NUP160: variants seen among roughly 807,000 people sequenced by gnomAD.
NUP160 encodes nuclear pore complex protein Nup160.
In NUP160, 94 loss-of-function variants were observed where a neutral mutation model predicts 196.9. That is an observed-to-expected ratio of 0.48 (90% CI 0.40 to 0.57). NUP160 has a LOEUF of 0.57. Among genes scored for constraint, NUP160 ranks in the 20% least tolerant of loss-of-function variants. The pLI is 0.00. For synonymous variants in NUP160, 605 were observed against 619.7 expected (o/e 0.98, Z 0.35); for missense variants, 1,638 against 1,748.3 (o/e 0.94, Z 1.13).
chr11:47,843,646 T>G (rs1266377223), intron 2 of NUP160, among the ~76,000 whole-genome samples: 1 of 152,220 alleles, frequency 6.6e-6, no homozygotes, highest in Non-Finnish European at 1.5e-5. Context: ...GCGGTATAGA[T>G]GTGCTATTGC....
intron 28 of NUP160, 75 bp from the exon 29 acceptor site, chr11:47,792,065 C>A: frequency 1.0e-6 from 1 of 994,576 alleles, no homozygotes; most frequent in Non-Finnish European, 1.5e-6. Flanking sequence ...TGATTCATAG[C>A]TTTTATGCTT....
rs893297849 is a variant in NUP160 at position 47,821,526 on chromosome 11, C to T, written c.1277+198G>A. On this transcript the variant is annotated intron_variant, in intron 9 of 35. Transcript: ENST00000378460. The stretch of plus-strand genomic sequence containing the variant: ...TATAGGCACCTGCCACCAGGCCCAG[C>T]TAATTTTTTGTGTTTTTAGTAGAGA... 3 of 522,870 alleles carry T rather than the reference C, an allele frequency of 5.7e-6. No homozygotes were observed. The African/African-American group carries it at 5.8e-5, about 10-fold the overall frequency. 32.4% of individuals were successfully genotyped at this position (522,870 alleles called of 1,614,324 possible).
At chr11:47,816,649 G>A (rs1003936264) in intron 11 of NUP160, among the ~76,000 whole-genome samples, 4 of 152,036 alleles carry the variant, frequency 2.6e-5, no homozygotes, top group East Asian at 1.9e-4. Flanking sequence ...GGTGGCATGC[G>A]TCTGTAGTCC....
intron 27 of NUP160, among the ~76,000 whole-genome samples, chr11:47,795,954 C>G (rs1176515347): frequency 6.6e-6 from 1 of 151,892 alleles, no homozygotes; most frequent in Admixed American, 6.6e-5. Flanking sequence ...GAGTTCAAGA[C>G]CAGCCTGACC....
intron 9 of NUP160, chr11:47,820,067 C>G (rs1386170740): frequency 6.6e-6 from 1 of 152,446 alleles, no homozygotes; most frequent in African/African-American, 2.4e-5. Context: ...TCCCAGAATT[C>G]TACCTTAGGC....
At chr11:47,788,268 A>G in exon 31 of NUP160, 10 of 1,614,156 alleles carry the variant, frequency 6.2e-6, no homozygotes, top group Non-Finnish European at 8.5e-6. Flanking sequence ...GGCCCGCCTG[A>G]ACCAAGAGAG....
chr11:47,828,731 A>T lies in NUP160; in HGVS notation c.1102-6567T>A, dbSNP rs560872014. ...ATCAAGACAGTGTGGTACCAGCACAAGGTCAGATATATAGATCAATGGAAC... is the reference window on the plus strand; with the variant it reads ...ATCAAGACAGTGTGGTACCAGCACATGGTCAGATATATAGATCAATGGAAC... On this transcript the variant is annotated intron_variant, in intron 7 of 35. Transcript: ENST00000378460. 9.8e-5 allele frequency among the ~76,000 whole-genome samples: 15 copies of T among 152,374 alleles called. No individual in the cohort carries two copies. In the South Asian group the frequency reaches 2.9e-3, roughly 29 times the overall value.
At chr11:47,803,779 C>T (rs1293509530) in intron 21 of NUP160, among the ~76,000 whole-genome samples, 1 of 152,150 alleles carries the variant, frequency 6.6e-6, no homozygotes, top group Non-Finnish European at 1.5e-5. Context: ...AGCAATTTTC[C>T]AATTTTTGGT....
At chr11:47,811,993 T>C in intron 17 of NUP160, 71 bp downstream of exon 17, 2 of 1,428,446 alleles carry the variant, frequency 1.4e-6, no homozygotes, top group Non-Finnish European at 2.0e-6. Context: ...GGGCTGACAT[T>C]TTGCTCCTAA....
In NUP160 at chr11:47,815,628, ACT is replaced by A; in HGVS notation, c.1535_1536del (p.Glu512ValfsTer2). 1.3e-6 allele frequency: 2 copies of A among 1,596,004 alleles called. No homozygotes were observed. The highest frequency in any genetic ancestry group is 1.7e-6 in the Non-Finnish European group (2 of 1,174,836). Reference sequence around the variant, plus strand: ...CGAAACTCCTCCTGGGAGAATTCATACTCTGTTACACTTCCTTGAAGCTGGCA... The same window carrying A: ...CGAAACTCCTCCTGGGAGAATTCATACTGTTACACTTCCTTGAAGCTGGCA... On this transcript the variant is annotated frameshift_variant, in exon 13 of 36. Transcript: ENST00000378460. LOFTEE classifies it high-confidence loss of function.
chr11:47,810,529 G>T (rs940146605), intron 17 of NUP160, among the ~76,000 whole-genome samples: 2 of 150,968 alleles, frequency 1.3e-5, no homozygotes, highest in African/African-American at 2.4e-5. Flanking sequence ...CATTAGCGAT[G>T]TATCTGGGTT....
At chr11:47,793,803 C>T (rs1440141839) in intron 27 of NUP160, among the ~76,000 whole-genome samples, 7 of 126,302 alleles carry the variant, frequency 5.5e-5, no homozygotes, top group Admixed American at 2.9e-4. Context: ...TGCAATGGTG[C>T]GGTCTCAGCT....
intron 22 of NUP160, among the ~76,000 whole-genome samples, chr11:47,802,191 G>A (rs746173999): frequency 2.0e-5 from 3 of 151,992 alleles, no homozygotes; most frequent in East Asian, 1.9e-4. Context: ...CCAGCACTTC[G>A]GGAGGCTGAG....
At chr11:47,802,331 T>C (rs2097674660) in intron 22 of NUP160, among the ~76,000 whole-genome samples, 1 of 152,092 alleles carries the variant, frequency 6.6e-6, no homozygotes, top group South Asian at 2.1e-4. Context: ...CTCAGGAGGC[T>C]GAGGCAGCAG....
intron 27 of NUP160, among the ~76,000 whole-genome samples, 182 bp downstream of exon 27, chr11:47,797,597 C>T (rs896129978): frequency 1.3e-5 from 2 of 152,004 alleles, no homozygotes; most frequent in African/African-American, 4.8e-5. Flanking sequence ...AGTGGCAACG[C>T]CTTGAGAAAG....
Position 47,846,815 on chromosome 11 carries a change from T to C in NUP160, c.314+1033A>G, listed in dbSNP as rs551320299. 1.4e-3 allele frequency among the ~76,000 whole-genome samples: 208 copies of C among 152,310 alleles called. 1 individual carries two copies. The highest frequency in any genetic ancestry group is 6.5e-4 in the Non-Finnish European group (44 of 68,024). ...GTTTGTTACATGAGTATATTGTGTG[T>C]ATATTCCTATATACATGAGGTTTGG... On this transcript the variant is annotated intron_variant, in intron 2 of 35. Coordinates refer to ENST00000378460, the Ensembl canonical transcript of NUP160.
At chr11:47,801,787 A>C (rs1300627982) in intron 23 of NUP160, 24 bp downstream of exon 23, 11 of 1,609,456 alleles carry the variant, frequency 6.8e-6, no homozygotes, top group Non-Finnish European at 9.3e-6. Context: ...GGGTGGTATA[A>C]GGCCAAACCA....
chr11:47,848,514 A>C, upstream of NUP160: 2 of 984,938 alleles, frequency 2.0e-6, no homozygotes. Flanking sequence ...AGAAGGGGGC[A>C]GGGGAGGCAG....
intron 2 of NUP160, among the ~76,000 whole-genome samples, chr11:47,846,987 A>C (rs151033526): frequency 1.9e-3 from 292 of 152,248 alleles, no homozygotes; most frequent in African/African-American, 6.9e-3. Context: ...ACTCTTTAAA[A>C]ATCTTTCAAT....
Sources: gnomAD v4.1 joint callset for allele counts (sites outside exome capture counted in the v4.1 genomes callset) on GRCh38, gnomAD v4.1.1 for gene constraint, MANE v1.5 for transcripts, NCBI Gene and HGNC (gene_info 2026-07-23, HGNC 2026-07-21) for gene names.